Variants in CTNNA2 observed in about 807,000 individuals in gnomAD.
The protein encoded by CTNNA2 is catenin alpha 2.
In CTNNA2, 42 loss-of-function variants were observed where a neutral mutation model predicts 101.0. The observed-to-expected ratio is 0.42, with a 90% confidence interval of 0.32 to 0.54. CTNNA2 has a LOEUF of 0.54. CTNNA2 is among the 20% of genes least tolerant of loss of function. The probability of loss-of-function intolerance (pLI) is 0.14; values close to 1 mark genes in which losing one functional copy is unlikely to be tolerated. For missense variants in CTNNA2, 871 were observed against 1,223.1 expected (o/e 0.71, Z 4.29); for synonymous variants, 450 against 456.4 (o/e 0.99, Z 0.18).
chr2:79,416,712 C>G lies in CTNNA2; in HGVS notation c.-135+42699C>G, dbSNP rs576276562. ...GTTAGGGACATATTTAACAGTTCCC[C>G]GAGAGCACAGGTTTATAGGAATAAG... On this transcript the variant is annotated intron_variant, in intron 4 of 21. Transcript: ENST00000466387. Among the ~76,000 whole-genome samples, 4 of 152,026 alleles carry G rather than the reference C, an allele frequency of 2.6e-5. No individual in the cohort carries two copies. In the East Asian group the frequency reaches 7.8e-4, roughly 29 times the overall value.
intron 9 of CTNNA2, among the ~76,000 whole-genome samples, chr2:80,503,145 C>A (rs1382847165): frequency 1.3e-5 from 2 of 151,930 alleles, no homozygotes; most frequent in Non-Finnish European, 2.9e-5. Flanking sequence ...TGCACTCCAA[C>A]CTATATGACA....
At chr2:80,496,396 T>C (rs1328447568) in intron 9 of CTNNA2, among the ~76,000 whole-genome samples, 4 of 33,234 alleles carry the variant, frequency 1.2e-4, no homozygotes, top group African/African-American at 6.0e-4. Flanking sequence ...CTTCACTGTC[T>C]TTTTTTTTTT....
chr2:79,497,165 CA>C (rs374636099), intron 4 of CTNNA2, among the ~76,000 whole-genome samples: 13 of 152,332 alleles, frequency 8.5e-5, no homozygotes, highest in African/African-American at 3.1e-4. Context: ...TCCCACATGG[CA>C]GGGGCCTGCA....
In CTNNA2 at chr2:80,487,280, CAA is replaced by C. The variant is rs57561004; in HGVS notation, c.1291-57684_1291-57683del. The stretch of plus-strand genomic sequence containing the variant: ...TGGGCGACAGAGCAATACTCTGTCT[CAA>C]AAAAAAAAAAAAAAAAAGTGCACAA... On this transcript the variant is annotated intron_variant, in intron 9 of 18. Transcript: ENST00000402739. Among the ~76,000 whole-genome samples the C allele has an allele frequency of 6.6e-3, 453 of 68,486 alleles. 3 individuals are homozygous for C. The highest frequency in any genetic ancestry group is 0.016 in the African/African-American group (413 of 26,078). 44.9% of individuals were successfully genotyped at this position (68,486 alleles called of 152,430 possible).
chr2:80,346,620 T>A, intron 7 of CTNNA2, among the ~76,000 whole-genome samples: 1 of 152,192 alleles, frequency 6.6e-6, no homozygotes, highest in East Asian at 1.9e-4. Context: ...CCATTTTCCT[T>A]TCTCTCAGCA....
At chr2:79,887,055 G>T (rs919000422) in intron 6 of CTNNA2, among the ~76,000 whole-genome samples, 4 of 152,038 alleles carry the variant, frequency 2.6e-5, no homozygotes, top group African/African-American at 9.7e-5. Context: ...GAACTCAAGT[G>T]ATCTGCCCAA....
intron 7 of CTNNA2, among the ~76,000 whole-genome samples, chr2:80,122,045 T>C (rs1701864189): frequency 1.3e-5 from 2 of 152,138 alleles, no homozygotes; most frequent in African/African-American, 4.8e-5. Context: ...TCTTGGAAAA[T>C]GACTTCATTC....
chr2:80,340,112 C>T (rs1461198211), intron 7 of CTNNA2, among the ~76,000 whole-genome samples: 2 of 152,214 alleles, frequency 1.3e-5, no homozygotes, highest in Non-Finnish European at 1.5e-5. Context: ...TAATCTGTCT[C>T]ATGCAATCTT....
intron 7 of CTNNA2, among the ~76,000 whole-genome samples, chr2:80,085,818 A>T (rs1699407362): frequency 6.6e-6 from 1 of 151,960 alleles, no homozygotes; most frequent in South Asian, 2.1e-4. Context: ...AATGACTTGT[A>T]TTAAGTAGAG....
chr2:79,707,606 A>G (rs1353416678), intron 2 of CTNNA2, among the ~76,000 whole-genome samples: 3 of 152,176 alleles, frequency 2.0e-5, no homozygotes, highest in Non-Finnish European at 2.9e-5. Flanking sequence ...TCCTTTGTAC[A>G]GTGTCTTTAT....
chr2:79,946,046 C>T (rs1026157510), intron 7 of CTNNA2, among the ~76,000 whole-genome samples: 4 of 152,076 alleles, frequency 2.6e-5, no homozygotes, highest in Non-Finnish European at 4.4e-5. Context: ...AAAGAATATT[C>T]TAGGCAGAAG....
intron 9 of CTNNA2, among the ~76,000 whole-genome samples, chr2:80,497,138 T>C (rs529454873): frequency 6.6e-6 from 1 of 152,360 alleles, no homozygotes; most frequent in Middle Eastern, 3.4e-3. Context: ...TTTGATTCAT[T>C]AATTTTCAGT....
intron 7 of CTNNA2, among the ~76,000 whole-genome samples, chr2:80,008,228 T>C (rs911262884): frequency 2.6e-5 from 4 of 152,200 alleles, no homozygotes; most frequent in African/African-American, 9.6e-5. Flanking sequence ...TTGGAAGAAG[T>C]GTGAAGCAGA....
chr2:79,495,755 A>G (rs910499922), intron 4 of CTNNA2, among the ~76,000 whole-genome samples: 1 of 152,196 alleles, frequency 6.6e-6, no homozygotes, highest in Admixed American at 6.5e-5. Flanking sequence ...CAGAAAAAGT[A>G]ATATTATTTA....
chr2:80,205,346 C>G (rs1707466889), intron 7 of CTNNA2, among the ~76,000 whole-genome samples: 1 of 152,070 alleles, frequency 6.6e-6, no homozygotes, highest in South Asian at 2.1e-4. Context: ...ACCAACAGAT[C>G]CAGGGAATAA....
At chr2:79,475,164 T>C (rs1046603692) in intron 4 of CTNNA2, among the ~76,000 whole-genome samples, 7 of 152,154 alleles carry the variant, frequency 4.6e-5, no homozygotes, top group African/African-American at 1.7e-4. Context: ...AATTTTTTTT[T>C]TTACTTTGTA....
At chr2:79,342,661 A>T (rs1400005767) in intron 3 of CTNNA2, among the ~76,000 whole-genome samples, 1 of 152,216 alleles carries the variant, frequency 6.6e-6, no homozygotes, top group Admixed American at 6.5e-5. Flanking sequence ...ATAATTAAAC[A>T]TGCTGCGGGT....
At chr2:80,394,848 C>G (rs186339133) in intron 8 of CTNNA2, among the ~76,000 whole-genome samples, 28 of 152,124 alleles carry the variant, frequency 1.8e-4, no homozygotes, top group African/African-American at 6.7e-4. Context: ...GACTGATAAT[C>G]ACAGATTTTT....
At chr2:79,983,175 C>A (rs991218515) in intron 7 of CTNNA2, among the ~76,000 whole-genome samples, 50 of 148,832 alleles carry the variant, frequency 3.4e-4, no homozygotes, top group Middle Eastern at 3.3e-3. Flanking sequence ...TATATTAATA[C>A]ATATATGTTT....
Sources: allele counts gnomAD v4.1 joint callset (sites outside exome capture counted in the v4.1 genomes callset), GRCh38; gene constraint gnomAD v4.1.1; transcripts MANE v1.5; gene names NCBI Gene and HGNC (gene_info 2026-07-23, HGNC 2026-07-21).